The following ALDH1A3 variants were observed in gnomAD, a reference collection of about 807,000 sequenced individuals.
The protein encoded by ALDH1A3 is retinaldehyde dehydrogenase 3.
ALDH1A3 carries 28 observed loss-of-function variants against 57.5 expected under a neutral mutation model. The observed-to-expected ratio is 0.49, with a 90% CI of 0.36 to 0.67. ALDH1A3 has a LOEUF of 0.67. ALDH1A3 is among the 30% of genes least tolerant of loss of function. The pLI is 0.00. For missense variants in ALDH1A3, 507 were observed against 669.4 expected (o/e 0.76, Z 2.68); for synonymous variants, 281 against 264.8 (o/e 1.06, Z -0.59).
intron 6 of ALDH1A3, chr15:100,895,093 A>T (rs1005781929): frequency 6.6e-6 from 1 of 152,120 alleles, no homozygotes; most frequent in Non-Finnish European, 1.5e-5. Context: ...TCCAGGTGAG[A>T]CCCAGGTTGA....
At chr15:100,888,965 C>G (rs1366002738) in intron 3 of ALDH1A3, 2 of 152,200 alleles carry the variant, frequency 1.3e-5, no homozygotes, top group Non-Finnish European at 2.9e-5. Flanking sequence ...ATTGATGGAG[C>G]ATACCCCATG....
chr15:100,913,437 C>T (rs1231461410), intron 12 of ALDH1A3: 1 of 152,176 alleles, frequency 6.6e-6, no homozygotes, highest in Non-Finnish European at 1.5e-5. Context: ...AGGCTGGTGG[C>T]CCCATCCTCC....
At chr15:100,884,683 C>T (rs941449276) in intron 1 of ALDH1A3, among the ~76,000 whole-genome samples, 2 of 150,978 alleles carry the variant, frequency 1.3e-5, no homozygotes, top group African/African-American at 4.9e-5. Flanking sequence ...TATGAAAATA[C>T]ACATTTTAAG....
At chr15:100,911,267 C>T (rs1054526475) in intron 12 of ALDH1A3, among the ~76,000 whole-genome samples, 4 of 152,216 alleles carry the variant, frequency 2.6e-5, no homozygotes, top group Admixed American at 6.5e-5. Flanking sequence ...TCCCCGTCCC[C>T]GGCCACCTGG....
intron 1 of ALDH1A3, among the ~76,000 whole-genome samples, chr15:100,884,584 A>G (rs1330273256): frequency 8.8e-6 from 1 of 113,542 alleles, no homozygotes; most frequent in Non-Finnish European, 2.0e-5. Flanking sequence ...TTTTTTTGAC[A>G]TTTTATCAAC....
Position 100,893,772 on chromosome 15 carries a change from A to C in ALDH1A3, c.538-182A>C. The C allele has an allele frequency of 2.8e-6, 2 of 714,932 alleles. No individual in the cohort carries two copies. The highest frequency in any genetic ancestry group is 2.6e-5 in the South Asian group (1 of 39,156). The allele number at this position is 714,932 out of a possible 1,614,324, so 44.3% of individuals were successfully genotyped here. A position where few individuals can be genotyped will look rare whatever the true frequency, so the allele number is the denominator to read the frequency against. On this transcript the variant is annotated intron_variant, in intron 5 of 12. Coordinates refer to ENST00000329841, the MANE Select transcript of ALDH1A3 (RefSeq NM_000693.4). The surrounding 1 kb of genome is among the most constrained non-coding windows in gnomAD (Gnocchi z 4.8). ...AAGGCTGCCTATTAGTACCACCCAG[A>C]ATGCAGTTTAGGAAGTGCTGTGCAG... is the stretch of plus-strand genomic sequence containing the variant.
chr15:100,882,343 C>A (rs1287568356), intron 1 of ALDH1A3, among the ~76,000 whole-genome samples: 3 of 152,198 alleles, frequency 2.0e-5, no homozygotes, highest in Admixed American at 6.5e-5. Context: ...CCACACAGAT[C>A]TCAGAGGATA....
In ALDH1A3 at chr15:100,898,093, T is replaced by G. The variant is rs1437983551; in HGVS notation, c.791T>G (p.Leu264Arg). The G allele has an allele frequency of 1.2e-6, 2 of 1,613,888 alleles. No homozygotes were observed. Among genetic ancestry groups the G allele is most frequent in the African/African-American group, 2.7e-5 (2 of 74,934 alleles). The change falls in exon 8 of 13, where the codon CTG becomes CGG. Residue 264 changes from leucine (L) to arginine (R), a missense_variant. Coordinates refer to ENST00000329841, the MANE Select transcript of ALDH1A3 (RefSeq NM_000693.4). Reference protein sequence around the residue: ...AFTGSTEVGKLVKEAASRSNL... With the variant: ...AFTGSTEVGKRVKEAASRSNL... ...TGTTCTGTCCTGGAGGTTGGAAAACTGGTTAAAGAAGCTGCGTCCCGGAGC... is the reference window on the plus strand; with the variant it reads ...TGTTCTGTCCTGGAGGTTGGAAAACGGGTTAAAGAAGCTGCGTCCCGGAGC...
At position 100,893,949 on chromosome 15, in the gene ALDH1A3, C is replaced by G; in HGVS notation, c.538-5C>G. 2 of 1,613,910 alleles carry G rather than the reference C, an allele frequency of 1.2e-6. No homozygotes were observed. Among genetic ancestry groups the G allele is most frequent in the Non-Finnish European group, 1.7e-6 (2 of 1,179,874 alleles). On this transcript the variant is annotated splice_region_variant and splice_polypyrimidine_tract_variant and intron_variant, in intron 5 of 12. Transcript: ENST00000329841. The surrounding 1 kb of genome is among the most constrained non-coding windows in gnomAD (Gnocchi z 4.8). ...GGCCTCCAAAGCCCCTGTGCTCTGT[C>G]GCAGTGGAACTTCCCCCTGCTGATG...
At position 100,894,336 on chromosome 15, in the gene ALDH1A3, G is replaced by A. The variant is rs951380489; in HGVS notation, c.666+254G>A. Reference sequence around the variant, plus strand: ...ATTATGGGCTCAAACCTATGGTTGAGGACCCAGTGGTTTGTCTAGAGAATT... The same window carrying A: ...ATTATGGGCTCAAACCTATGGTTGAAGACCCAGTGGTTTGTCTAGAGAATT... On this transcript the variant is annotated intron_variant, in intron 6 of 12. Coordinates refer to ENST00000329841, the MANE Select transcript of ALDH1A3 (RefSeq NM_000693.4). This position sits in a 1 kb window ranked among gnomAD's most constrained non-coding sequence, Gnocchi z 4.5. 5.4e-6 allele frequency: 2 copies of A among 367,908 alleles called. No individual in the cohort carries two copies. The highest frequency in any genetic ancestry group is 5.2e-5 in the East Asian group (1 of 19,080). The allele number at this position is 367,908 out of a possible 1,614,324, so 22.8% of individuals were successfully genotyped here. A position where few individuals can be genotyped will look rare whatever the true frequency, so the allele number is the denominator to read the frequency against.
At position 100,908,475 on chromosome 15, in the gene ALDH1A3, A is replaced by C; in HGVS notation, c.1459A>C (p.Arg487=). 1 of 1,612,122 alleles carries C rather than the reference A, an allele frequency of 6.2e-7. No individual in the cohort carries two copies. Among genetic ancestry groups the C allele is most frequent in the Non-Finnish European group, 8.5e-7 (1 of 1,178,194 alleles). ...TGGCTTTAAAATGTCAGGAAATGGC[A>C]GAGAACTGTAAGTGTTTCCATCATT... ...FGGFKMSGNG[R]ELGEYALAEY... The change falls in exon 12 of 13, where the codon AGA becomes CGA. Residue 487 remains arginine, a synonymous_variant. Transcript: ENST00000329841.
chr15:100,905,599 G>T lies in ALDH1A3; in HGVS notation c.1145G>T (p.Gly382Val). 6.2e-7 allele frequency: 1 copy of T among 1,614,036 alleles called. No homozygotes were observed. The highest frequency in any genetic ancestry group is 8.5e-7 in the Non-Finnish European group (1 of 1,179,980). Residue 382 changes from glycine (G) to valine (V), a missense_variant, in exon 10 of 13, where the codon GGG (glycine) becomes GTG (valine). By Grantham distance (109) the Gly-to-Val change is moderately radical (BLOSUM62 -3). This residue lies in a region of ALDH1A3 where 432 missense variants were observed against 608.4 expected (regional missense o/e 0.71). Transcript: ENST00000329841. Reference protein sequence around the residue: ...GKKEGAKLECGGSAMEDKGLF... With the variant: ...GKKEGAKLECVGSAMEDKGLF... Reference sequence around the variant, plus strand: ...AAGGAAGGGGCCAAGCTGGAATGCGGGGGCTCAGCCATGGAAGACAAGGGG... The same window carrying T: ...AAGGAAGGGGCCAAGCTGGAATGCGTGGGCTCAGCCATGGAAGACAAGGGG...
At chr15:100,897,528 C>T (rs1473607699) in intron 7 of ALDH1A3, among the ~76,000 whole-genome samples, 1 of 151,430 alleles carries the variant, frequency 6.6e-6, no homozygotes, top group East Asian at 2.0e-4. Flanking sequence ...CTGTCTGCGG[C>T]AGCCTCAGTC....
In ALDH1A3 at chr15:100,889,164, G is replaced by C. The variant is rs958597309; in HGVS notation, c.345+1452G>C. 6.6e-6 allele frequency: 1 copy of C among 152,194 alleles called. No homozygotes were observed. Among genetic ancestry groups the C allele is most frequent in the African/African-American group, 2.4e-5 (1 of 41,442 alleles). The allele number at this position is 152,194 out of a possible 1,614,324, so 9.4% of individuals were successfully genotyped here. A position where few individuals can be genotyped will look rare whatever the true frequency, so the allele number is the denominator to read the frequency against. On this transcript the variant is annotated intron_variant, in intron 3 of 12. Transcript: ENST00000329841. This position sits in a 1 kb window ranked among gnomAD's most constrained non-coding sequence, Gnocchi z 5.1. Reference sequence around the variant, plus strand: ...AAAGTTGTTCCAAACCTTGAGGCCCGGTTGTAGGGGAGGAGATCTCCTTTC... The same window carrying C: ...AAAGTTGTTCCAAACCTTGAGGCCCCGTTGTAGGGGAGGAGATCTCCTTTC...
At chr15:100,903,074 T>C (rs1229838916) in intron 9 of ALDH1A3, among the ~76,000 whole-genome samples, 1 of 152,190 alleles carries the variant, frequency 6.6e-6, no homozygotes, top group African/African-American at 2.4e-5. Flanking sequence ...TGTTACTTTT[T>C]TTGAGTGGAG....
At chr15:100,897,270 A>G (rs1426384070) in intron 7 of ALDH1A3, among the ~76,000 whole-genome samples, 1 of 152,246 alleles carries the variant, frequency 6.6e-6, no homozygotes, top group Non-Finnish European at 1.5e-5. Context: ...CAGACCCGGA[A>G]GAGCCTGGGC....
intron 7 of ALDH1A3, among the ~76,000 whole-genome samples, chr15:100,897,881 A>G (rs1303781621): frequency 6.6e-6 from 1 of 152,190 alleles, no homozygotes; most frequent in Non-Finnish European, 1.5e-5. Context: ...CAAGGATCCC[A>G]GGATGTCATG....
intron 1 of ALDH1A3, chr15:100,880,881 A>G (rs1226090381): frequency 6.6e-6 from 1 of 152,344 alleles, no homozygotes; most frequent in Non-Finnish European, 1.5e-5. Context: ...GCGCGACCCG[A>G]TGGAGGACAC....
intron 7 of ALDH1A3, among the ~76,000 whole-genome samples, chr15:100,897,582 G>T (rs2041718754): frequency 6.6e-6 from 1 of 152,076 alleles, no homozygotes; most frequent in Non-Finnish European, 1.5e-5. Flanking sequence ...CATCCGGAAG[G>T]CTGGCTGCCC....
Sources: allele counts gnomAD v4.1 joint callset (sites outside exome capture counted in the v4.1 genomes callset), GRCh38; gene constraint gnomAD v4.1.1; regional missense constraint gnomAD v4.1.1; non-coding constraint Gnocchi (gnomAD v3.1); transcripts MANE v1.5; gene names NCBI Gene and HGNC (gene_info 2026-07-23, HGNC 2026-07-21).